The following PDE8A variants were observed in gnomAD, a reference collection of about 807,000 sequenced individuals.
PDE8A encodes the protein phosphodiesterase 8A, also known as high affinity cAMP-specific and IBMX-insensitive 3',5'-cyclic phosphodiesterase 8A.
A neutral mutation model predicts 105.0 loss-of-function variants in PDE8A; 59 were observed. The ratio of observed to expected loss-of-function variants is 0.56; its 90% CI spans 0.46 to 0.70. The LOEUF (loss-of-function observed/expected upper bound fraction) is 0.70. Among genes scored for constraint, PDE8A ranks in the 30% least tolerant of loss-of-function variants. The pLI, the probability that PDE8A is intolerant of heterozygous loss-of-function variation, is 0.00. For missense variants in PDE8A, 1,014 were observed against 1,045.9 expected (o/e 0.97, Z 0.42); for synonymous variants, 355 against 371.9 (o/e 0.95, Z 0.52).
intron 8 of PDE8A, among the ~76,000 whole-genome samples, chr15:85,093,114 A>T (rs1447462807): frequency 6.6e-6 from 1 of 152,112 alleles, no homozygotes; most frequent in Non-Finnish European, 1.5e-5. Flanking sequence ...TATGTTGTCC[A>T]GGTTGGTCTC....
intron 1 of PDE8A, among the ~76,000 whole-genome samples, chr15:85,011,361 C>T (rs529538804): frequency 6.6e-6 from 1 of 152,210 alleles, no homozygotes; most frequent in Admixed American, 6.5e-5. Context: ...CCAGAGAGTA[C>T]TGGTCCAAAA....
intron 1 of PDE8A, among the ~76,000 whole-genome samples, chr15:85,023,024 T>G (rs1321855178): frequency 1.3e-5 from 2 of 152,200 alleles, no homozygotes; most frequent in East Asian, 3.8e-4. Flanking sequence ...GTAATGGGGT[T>G]AGCTCTTGGC....
intron 1 of PDE8A, among the ~76,000 whole-genome samples, chr15:85,048,944 T>C (rs1343370221): frequency 1.3e-5 from 2 of 151,904 alleles, no homozygotes; most frequent in Non-Finnish European, 1.5e-5. Context: ...CTACTAAAAA[T>C]AACAAAAATT....
chr15:85,024,019 A>G (rs560793746), intron 1 of PDE8A, among the ~76,000 whole-genome samples: 1 of 29,892 alleles, frequency 3.3e-5, no homozygotes, highest in East Asian at 9.9e-4. Context: ...TCAGATTTCC[A>G]AAAAAAAGTT....
At chr15:85,076,052 T>G (rs1045034157) in intron 4 of PDE8A, 134 bp downstream of exon 4, 3 of 514,118 alleles carry the variant, frequency 5.8e-6, no homozygotes, top group Non-Finnish European at 1.1e-5. Context: ...CTTTATTCTT[T>G]ATTTTATTTT....
chr15:85,034,020 CAT>C (rs1007188635), intron 1 of PDE8A, among the ~76,000 whole-genome samples: 14 of 152,128 alleles, frequency 9.2e-5, no homozygotes, highest in Non-Finnish European at 1.3e-4. Flanking sequence ...GAAAAATTAA[CAT>C]AGAGTGGCCA....
chr15:85,120,906 T>C lies in PDE8A; in HGVS notation c.1844T>C (p.Leu615Pro). 2 of 1,614,036 alleles carry C rather than the reference T, an allele frequency of 1.2e-6. No individual in the cohort carries two copies. Among genetic ancestry groups the C allele is most frequent in the South Asian group, 1.1e-5 (1 of 91,074 alleles). ...NSFLCNAGSE[L>P]AILYNDTAVL... ...TTCCTGTGTAATGCTGGAAGTGAGC[T>C]GGCCATTTTGTACAATGACACTGCT... Residue 615 changes from leucine (L) to proline (P), a missense_variant, in exon 18 of 22, where the codon CTG (leucine) becomes CCG (proline). Coordinates refer to ENST00000394553, the MANE Select transcript of PDE8A (RefSeq NM_002605.3).
chr15:85,037,040 G>T (rs1331745829), intron 1 of PDE8A, among the ~76,000 whole-genome samples: 2 of 151,766 alleles, frequency 1.3e-5, no homozygotes, highest in East Asian at 1.9e-4. Context: ...AATGAAGGTT[G>T]CAGTGCTCTT....
chr15:85,011,694 A>G (rs935362633), intron 1 of PDE8A, among the ~76,000 whole-genome samples: 102 of 152,342 alleles, frequency 6.7e-4, no homozygotes, highest in Non-Finnish European at 1.1e-3. Context: ...AAATTGACAC[A>G]TGGGATCTAA....
chr15:85,128,975 TC>T (rs1176882616), intron 20 of PDE8A, among the ~76,000 whole-genome samples: 1 of 152,236 alleles, frequency 6.6e-6, no homozygotes, highest in Non-Finnish European at 1.5e-5. Flanking sequence ...TTTAGCAGTT[TC>T]TTTTTTCTTC....
chr15:84,988,381 T>A (rs1436844795), intron 1 of PDE8A, among the ~76,000 whole-genome samples: 1 of 152,238 alleles, frequency 6.6e-6, no homozygotes, highest in East Asian at 1.9e-4. Context: ...TTCGACTTAC[T>A]GTGGAAGTTG....
chr15:85,025,900 C>CAT (rs890960236), intron 1 of PDE8A, among the ~76,000 whole-genome samples: 1 of 152,116 alleles, frequency 6.6e-6, no homozygotes, highest in African/African-American at 2.4e-5. Flanking sequence ...TGATGCTGAC[C>CAT]ATATATATGG....
intron 1 of PDE8A, among the ~76,000 whole-genome samples, chr15:84,984,453 T>C (rs1217772655): frequency 6.6e-6 from 1 of 152,186 alleles, no homozygotes; most frequent in African/African-American, 2.4e-5. Context: ...ATCATAAAAT[T>C]AGTTTCTTTG....
chr15:85,006,381 G>A (rs2080147783), intron 1 of PDE8A, among the ~76,000 whole-genome samples: 1 of 152,166 alleles, frequency 6.6e-6, no homozygotes, highest in Admixed American at 6.5e-5. Context: ...CAAGCTGAGG[G>A]CAGGATGCCA....
intron 20 of PDE8A, among the ~76,000 whole-genome samples, chr15:85,128,653 T>C (rs1164528303): frequency 6.6e-6 from 1 of 152,172 alleles, no homozygotes; most frequent in Non-Finnish European, 1.5e-5. Context: ...AAGGACTGTA[T>C]CCATAGATAT....
In PDE8A at chr15:85,062,755, A is replaced by G. The variant is rs140184598; in HGVS notation, c.187-1615A>G. Reference sequence around the variant, plus strand: ...AAAATTAACTGCGGTTTACCATCCAAGCCTTCCCCTGGAAGTTGCACGTCT... The same window carrying G: ...AAAATTAACTGCGGTTTACCATCCAGGCCTTCCCCTGGAAGTTGCACGTCT... On this transcript the variant is annotated intron_variant, in intron 1 of 21. Coordinates refer to ENST00000394553, the MANE Select transcript of PDE8A (RefSeq NM_002605.3). 112 of 152,328 alleles carry G rather than the reference A, an allele frequency of 7.4e-4. 1 individual carries two copies. The highest frequency in any genetic ancestry group is 2.6e-3 in the African/African-American group (108 of 41,564). 9.4% of individuals were successfully genotyped at this position (152,328 alleles called of 1,614,324 possible).
chr15:85,015,923 G>A (rs1002919304), intron 1 of PDE8A, among the ~76,000 whole-genome samples: 1 of 152,098 alleles, frequency 6.6e-6, no homozygotes, highest in Non-Finnish European at 1.5e-5. Context: ...ATCACTCGAG[G>A]CCAGGAATTG....
chr15:85,057,197 G>A (rs1254908158), intron 1 of PDE8A, among the ~76,000 whole-genome samples: 7 of 152,140 alleles, frequency 4.6e-5, no homozygotes, highest in African/African-American at 1.2e-4. Context: ...GCACCCAGCC[G>A]TATGAGGTGT....
At chr15:85,042,591 C>T (rs2080827513) in intron 1 of PDE8A, among the ~76,000 whole-genome samples, 1 of 152,134 alleles carries the variant, frequency 6.6e-6, no homozygotes, top group Non-Finnish European at 1.5e-5. Flanking sequence ...CTTTCAGTCT[C>T]AAAACTCACT....
Sources: gnomAD v4.1 joint callset for allele counts (sites outside exome capture counted in the v4.1 genomes callset) on GRCh38, gnomAD v4.1.1 for gene constraint, MANE v1.5 for transcripts, NCBI Gene and HGNC (gene_info 2026-07-23, HGNC 2026-07-21) for gene names.